SVOP: variants seen among roughly 807,000 people sequenced by gnomAD.
SVOP encodes the protein SV2 related protein.
A neutral mutation model predicts 69.1 loss-of-function variants in SVOP; 17 were observed. The ratio of observed to expected loss-of-function variants is 0.25; its 90% CI spans 0.17 to 0.37. The LOEUF is 0.37. Ranked by LOEUF, SVOP falls within the 10% of genes least tolerant of loss-of-function variation. SVOP has a pLI of 1.00. For missense variants in SVOP, 435 were observed against 597.5 expected, an observed-to-expected ratio of 0.73 and a Z score of 2.84; for synonymous variants, 238 against 238.6, an observed-to-expected ratio of 1.00 and a Z score of 0.02.
At chr12:108,926,911 T>C (rs755611651) in intron 11 of SVOP, among the ~76,000 whole-genome samples, 6 of 152,240 alleles carry the variant, frequency 3.9e-5, no homozygotes, top group Non-Finnish European at 5.9e-5. Flanking sequence ...CTGGACTATA[T>C]TTTCAAGGAT....
chr12:109,012,240 G>A (rs917298638), intron 1 of SVOP, among the ~76,000 whole-genome samples: 3 of 151,604 alleles, frequency 2.0e-5, no homozygotes, highest in African/African-American at 7.3e-5. Flanking sequence ...CCAAGATCAC[G>A]CCACTGCACT....
At chr12:108,962,694 G>A (rs910729430) in intron 5 of SVOP, among the ~76,000 whole-genome samples, 2 of 152,150 alleles carry the variant, frequency 1.3e-5, no homozygotes, top group African/African-American at 2.4e-5. Context: ...GGCCGAGCAC[G>A]GTGGCTCACA....
At chr12:108,984,488 A>C (rs1314785585) in intron 1 of SVOP, among the ~76,000 whole-genome samples, 3 of 150,108 alleles carry the variant, frequency 2.0e-5, no homozygotes, top group Non-Finnish European at 4.4e-5. Flanking sequence ...TGGGTCATGC[A>C]CTCCACAGTT....
Position 109,020,872 on chromosome 12 carries a change from C to T in SVOP, c.-4G>A, listed in dbSNP as rs1311510862. ...GCTGGAATAAGTCCTCCTCCATGTC[C>T]GCGCTGCGCCAGGATGAGCCCTTCT... On this transcript the variant is annotated 5_prime_UTR_variant, in exon 1 of 16. Transcript: ENST00000610966. The T allele has an allele frequency of 7.0e-6, 5 of 716,456 alleles. No individual in the cohort carries two copies. Among genetic ancestry groups the T allele is most frequent in the Admixed American group, 4.0e-5 (2 of 49,736 alleles). The allele number at this position is 716,456 out of a possible 1,614,324, so 44.4% of individuals were successfully genotyped here. A position where few individuals can be genotyped will look rare whatever the true frequency, so the allele number is the denominator to read the frequency against.
At chr12:108,953,907 T>C (rs920684094) in intron 6 of SVOP, among the ~76,000 whole-genome samples, 1 of 151,706 alleles carries the variant, frequency 6.6e-6, no homozygotes, top group African/African-American at 2.4e-5. Flanking sequence ...AGGTCAGGAG[T>C]TCGAGACCAG....
intron 13 of SVOP, among the ~76,000 whole-genome samples, chr12:108,918,753 A>G (rs183861984): frequency 8.2e-4 from 125 of 152,324 alleles, no homozygotes; most frequent in African/African-American, 2.9e-3. Flanking sequence ...AAATATTTCC[A>G]TTGAACAAGT....
chr12:109,017,126 G>A lies in SVOP; in HGVS notation c.35+3708C>T, dbSNP rs113065474. 1.3e-3 allele frequency among the ~76,000 whole-genome samples: 205 copies of A among 152,202 alleles called. 1 individual carries two copies. Among genetic ancestry groups the A allele is most frequent in the African/African-American group, 4.4e-3 (181 of 41,514 alleles). On this transcript the variant is annotated intron_variant, in intron 1 of 15. Transcript: ENST00000610966. ...AATCCCTGGGCCAAGGACCCGTAAC[G>A]GTCTCTGGCCTGTTAGGAACCGGGC... is the stretch of plus-strand genomic sequence containing the variant.
intron 15 of SVOP, among the ~76,000 whole-genome samples, chr12:108,913,218 C>A (rs554696844): frequency 6.6e-6 from 1 of 152,070 alleles, no homozygotes; most frequent in Non-Finnish European, 1.5e-5. Context: ...TCTGCCACCA[C>A]GCCCGGCTAA....
intron 11 of SVOP, among the ~76,000 whole-genome samples, chr12:108,926,905 A>T (rs2039783753): frequency 6.6e-6 from 1 of 152,190 alleles, no homozygotes; most frequent in Non-Finnish European, 1.5e-5. Flanking sequence ...TTTGTTCTGG[A>T]CTATATTTTC....
At chr12:108,917,069 G>C (rs2039718523) in intron 14 of SVOP, among the ~76,000 whole-genome samples, 1 of 152,208 alleles carries the variant, frequency 6.6e-6, no homozygotes, top group African/African-American at 2.4e-5. Context: ...TAAGTGAGAA[G>C]CTGCTCTCGT....
In SVOP at chr12:108,912,267, T is replaced by C. The variant is rs1162243605; in HGVS notation, c.*268A>G. 19 of 1,351,236 alleles carry C rather than the reference T, an allele frequency of 1.4e-5. No homozygotes were observed. In the African/African-American group the frequency reaches 2.8e-4, roughly 20 times the overall value. 83.7% of individuals were successfully genotyped at this position (1,351,236 alleles called of 1,614,324 possible). A position where few individuals can be genotyped will look rare whatever the true frequency, so the allele number is the denominator to read the frequency against. ...TGCTGGCATTACCAGACCCTCCTAA[T>C]ATGGGTAGTCTTCCCATGTAGATCC... On this transcript the variant is annotated 3_prime_UTR_variant, in exon 16 of 16. Coordinates refer to ENST00000610966, the MANE Select transcript of SVOP (RefSeq NM_018711.5).
chr12:108,981,862 CATT>C (rs1392610606), intron 2 of SVOP, among the ~76,000 whole-genome samples: 1 of 152,132 alleles, frequency 6.6e-6, no homozygotes, highest in Non-Finnish European at 1.5e-5. Flanking sequence ...CCACCATTGT[CATT>C]ATACTGTCAT....
chr12:108,968,499 T>G (rs1450512353), intron 5 of SVOP, among the ~76,000 whole-genome samples: 1 of 152,152 alleles, frequency 6.6e-6, no homozygotes, highest in Admixed American at 6.6e-5. Context: ...GCTATGAATA[T>G]CTGTGTTTTC....
chr12:108,920,441 G>A (rs1201213852), intron 12 of SVOP, among the ~76,000 whole-genome samples: 1 of 152,054 alleles, frequency 6.6e-6, no homozygotes, highest in Admixed American at 6.6e-5. Context: ...CTTGCCATGT[G>A]GTCTTGGGCT....
intron 1 of SVOP, 76 bp downstream of exon 1, chr12:109,020,758 C>CCT (rs940742614): frequency 1.0e-5 from 3 of 293,658 alleles, no homozygotes; most frequent in Non-Finnish European, 2.0e-5. Context: ...AGATGTACCC[C>CCT]CCCCCACCCC....
At position 109,009,344 on chromosome 12, in the gene SVOP, C is replaced by T. The variant is rs145237035; in HGVS notation, c.35+11490G>A. ...TCTCTGTGTCAGATTTGAGTTCTTG[C>T]CCCCATGGAACTTAGAGCCTTTTAC... On this transcript the variant is annotated intron_variant, in intron 1 of 15. Coordinates refer to ENST00000610966, the MANE Select transcript of SVOP (RefSeq NM_018711.5). Among the ~76,000 whole-genome samples, 62 of 152,200 alleles carry T rather than the reference C, an allele frequency of 4.1e-4. 3 individuals are homozygous for T. Among genetic ancestry groups the T allele is most frequent in the African/African-American group, 1.4e-3 (58 of 41,534 alleles).
intron 2 of SVOP, among the ~76,000 whole-genome samples, chr12:108,982,803 C>CCAT (rs1302441449): frequency 7.8e-6 from 1 of 128,066 alleles, no homozygotes; most frequent in South Asian, 2.5e-4. Flanking sequence ...ATCATCATCA[C>CCAT]CATCATCATC....
At chr12:108,935,481 A>C (rs1566051345) in intron 10 of SVOP, among the ~76,000 whole-genome samples, 1 of 152,128 alleles carries the variant, frequency 6.6e-6, no homozygotes, top group Non-Finnish European at 1.5e-5. Flanking sequence ...GGTATTCTCA[A>C]CTCTGATGCC....
At chr12:108,987,746 A>G (rs527746523) in intron 1 of SVOP, among the ~76,000 whole-genome samples, 4 of 152,260 alleles carry the variant, frequency 2.6e-5, no homozygotes, top group East Asian at 1.9e-4. Flanking sequence ...AGAAATGTCT[A>G]TTGAAGTCCT....
Sources: allele counts gnomAD v4.1 joint callset (sites outside exome capture counted in the v4.1 genomes callset), GRCh38; gene constraint gnomAD v4.1.1; transcripts MANE v1.5; gene names NCBI Gene and HGNC (gene_info 2026-07-23, HGNC 2026-07-21).